The following ATP10B variants were observed in gnomAD, a reference collection of about 807,000 sequenced individuals.
ATP10B encodes the protein phospholipid-transporting ATPase VB.
A neutral mutation model predicts 141.2 loss-of-function variants in ATP10B; 122 were observed. That is an observed-to-expected ratio of 0.86 (90% CI 0.75 to 1.00). ATP10B has a LOEUF of 1.00. Among genes scored for constraint, ATP10B ranks in the 50% least tolerant of loss-of-function variants. The probability of loss-of-function intolerance (pLI) is 0.00; values close to 1 mark genes in which losing one functional copy is unlikely to be tolerated. For synonymous variants in ATP10B, 685 were observed against 692.0 expected (o/e 0.99, Z 0.16); for missense variants, 1,876 against 1,825.3 (o/e 1.03, Z -0.51).
intron 2 of ATP10B, among the ~76,000 whole-genome samples, chr5:160,778,079 G>A (rs772742253): frequency 5.9e-5 from 9 of 152,104 alleles, no homozygotes; most frequent in Non-Finnish European, 1.2e-4. Flanking sequence ...AAAGTAGAGG[G>A]GCTGTAGACA....
chr5:160,754,251 A>T (rs1034586096), intron 2 of ATP10B, among the ~76,000 whole-genome samples: 5 of 152,186 alleles, frequency 3.3e-5, no homozygotes, highest in African/African-American at 1.2e-4. Context: ...CTTCCCAAAC[A>T]CTGTCCATAT....
rs1278993851 is a variant in ATP10B at position 160,565,567 on chromosome 5, C to A, written c.4272G>T (p.Gly1424=). The A allele has an allele frequency of 6.2e-7, 1 of 1,613,968 alleles. No individual in the cohort carries two copies. The highest frequency in any genetic ancestry group is 8.5e-7 in the Non-Finnish European group (1 of 1,179,978). The stretch of plus-strand genomic sequence containing the variant: ...TCCTGTTAGGTCCCAGCAGGTGCTC[C>A]CCGGATGAGAGTTGAGCTGAGGAGT... The part of the protein sequence containing the change: ...SGDSSAQLSS[G]EHLLGPNRIM... Residue 1424 remains glycine (G), a synonymous_variant, in exon 26 of 26, where the codon GGG becomes GGT. Transcript: ENST00000327245.
At chr5:160,576,487 G>A (rs1296519955) in intron 24 of ATP10B, among the ~76,000 whole-genome samples, 1 of 152,204 alleles carries the variant, frequency 6.6e-6, no homozygotes, top group East Asian at 1.9e-4. Flanking sequence ...AGGGCCAGAA[G>A]TTAGGAAAGG....
intron 2 of ATP10B, among the ~76,000 whole-genome samples, chr5:160,721,923 T>A (rs1225024293): frequency 6.6e-6 from 1 of 152,210 alleles, no homozygotes; most frequent in African/African-American, 2.4e-5. Flanking sequence ...CCAGACTACC[T>A]GGATGCAAAT....
chr5:160,757,098 C>T (rs1014416116), intron 2 of ATP10B, among the ~76,000 whole-genome samples: 2 of 151,896 alleles, frequency 1.3e-5, no homozygotes, highest in Non-Finnish European at 2.9e-5. Flanking sequence ...GTTTATGATC[C>T]ATTTTGATTT....
intron 7 of ATP10B, among the ~76,000 whole-genome samples, chr5:160,665,246 G>A (rs1011916534): frequency 2.0e-5 from 3 of 152,178 alleles, no homozygotes; most frequent in African/African-American, 7.2e-5. Context: ...AATGTCATGG[G>A]AGAAAGACCC....
At chr5:160,685,276 C>T in intron 6 of ATP10B, 1 of 569,648 alleles carries the variant, frequency 1.8e-6, no homozygotes, top group Non-Finnish European at 3.1e-6. Flanking sequence ...CTTTTACTTG[C>T]CTTCTTTGCT....
chr5:160,605,342 T>C (rs887206826), intron 19 of ATP10B, among the ~76,000 whole-genome samples: 3 of 152,252 alleles, frequency 2.0e-5, no homozygotes, highest in East Asian at 1.9e-4. Flanking sequence ...CTTGATTGCA[T>C]AGCAATGCAT....
At chr5:160,636,512 T>A (rs1419103116) in intron 10 of ATP10B, among the ~76,000 whole-genome samples, 1 of 152,188 alleles carries the variant, frequency 6.6e-6, no homozygotes, top group East Asian at 1.9e-4. Context: ...TCGTATACAT[T>A]TCAATCCTTT....
chr5:160,725,905 TTTTTTC>T (rs532274473), intron 2 of ATP10B, among the ~76,000 whole-genome samples: 110 of 152,254 alleles, frequency 7.2e-4, no homozygotes, highest in South Asian at 1.7e-3. Context: ...ATTTTTTTGT[TTTTTTC>T]TTTTTGATTA....
intron 1 of ATP10B, among the ~76,000 whole-genome samples, chr5:160,814,835 A>C (rs1463007318): frequency 1.3e-5 from 2 of 152,234 alleles, no homozygotes; most frequent in Non-Finnish European, 2.9e-5. Context: ...AATATTCAAC[A>C]TTCTTAAAGA....
chr5:160,778,736 A>T (rs1276735530), intron 2 of ATP10B, among the ~76,000 whole-genome samples: 1 of 152,230 alleles, frequency 6.6e-6, no homozygotes, highest in African/African-American at 2.4e-5. Context: ...CATATTCTGA[A>T]AAGTTATTGC....
chr5:160,891,820 T>G, the ATP10B span, among the ~76,000 whole-genome samples: 1 of 152,210 alleles, frequency 6.6e-6, no homozygotes, highest in South Asian at 2.1e-4. Context: ...TTGACTCTAT[T>G]CATTTACTTA....
chr5:160,565,211 TC>T lies in ATP10B; in HGVS notation c.*241del. Reference sequence around the variant, plus strand: ...AGAACTCGATTCAACAAAAACAGCCTCCTTCTCCAAACTGTTTGCAAGATGT... The same window carrying T: ...AGAACTCGATTCAACAAAAACAGCCTCTTCTCCAAACTGTTTGCAAGATGT... On this transcript the variant is annotated 3_prime_UTR_variant, in exon 26 of 26. Coordinates refer to ENST00000327245, the MANE Select transcript of ATP10B (RefSeq NM_025153.3). The T allele has an allele frequency of 9.3e-6, 5 of 539,128 alleles. No homozygotes were observed. In the South Asian group the frequency reaches 1.2e-4, roughly 13 times the overall value. The allele number at this position is 539,128 out of a possible 1,614,324, so 33.4% of individuals were successfully genotyped here. A position where few individuals can be genotyped will look rare whatever the true frequency, so the allele number is the denominator to read the frequency against.
chr5:160,628,302 A>G (rs1002258113), intron 13 of ATP10B, among the ~76,000 whole-genome samples: 3 of 152,160 alleles, frequency 2.0e-5, no homozygotes, highest in Admixed American at 1.3e-4. Context: ...CCCCACCCCG[A>G]TTTGAGACAC....
the ATP10B span, among the ~76,000 whole-genome samples, chr5:160,868,007 T>C: frequency 1.3e-5 from 2 of 152,192 alleles, no homozygotes; most frequent in Admixed American, 1.3e-4. Context: ...AGGGGTAATA[T>C]CACCGAAAGC....
At chr5:160,584,951 C>T (rs1011418342) in intron 24 of ATP10B, among the ~76,000 whole-genome samples, 10 of 152,136 alleles carry the variant, frequency 6.6e-5, no homozygotes, top group African/African-American at 2.4e-4. Context: ...AGTAATTTGT[C>T]TATAGTCTCT....
At chr5:160,634,076 G>A (rs560616770) in intron 12 of ATP10B, 145 of 506,198 alleles carry the variant, frequency 2.9e-4, no homozygotes, top group Non-Finnish European at 1.3e-4. Context: ...TAAAAAACTC[G>A]TCTCATAAAG....
intron 1 of ATP10B, among the ~76,000 whole-genome samples, chr5:160,814,159 A>T (rs1773404548): frequency 6.6e-6 from 1 of 152,192 alleles, no homozygotes; most frequent in Admixed American, 6.5e-5. Flanking sequence ...TTGAGAGAAG[A>T]AGTCTTCAGA....
Sources: allele counts gnomAD v4.1 joint callset (sites outside exome capture counted in the v4.1 genomes callset), GRCh38; gene constraint gnomAD v4.1.1; transcripts MANE v1.5; gene names NCBI Gene and HGNC (gene_info 2026-07-23, HGNC 2026-07-21).